Variants in ADCY10 observed in about 807,000 individuals in gnomAD.
The protein encoded by ADCY10 is adenylate cyclase 10.
In ADCY10, 156 loss-of-function variants were observed where a neutral mutation model predicts 183.3. That is an observed-to-expected ratio of 0.85 (90% confidence interval 0.75 to 0.97). The LOEUF (loss-of-function observed/expected upper bound fraction) is 0.97. Ranked by LOEUF, ADCY10 falls within the 50% of genes least tolerant of loss-of-function variation. ADCY10 has a pLI of 0.00. For missense variants in ADCY10, 1,745 were observed against 1,934.3 expected, an observed-to-expected ratio of 0.90 and a Z score of 1.84; for synonymous variants, 645 against 670.0, an observed-to-expected ratio of 0.96 and a Z score of 0.58.
chr1:167,908,461 A>G (rs1002915806), intron 1 of ADCY10, among the ~76,000 whole-genome samples: 1 of 152,170 alleles, frequency 6.6e-6, no homozygotes, highest in African/African-American at 2.4e-5. Flanking sequence ...AGACCCAATG[A>G]AAAAGTCCTG....
rs755426228 is a variant in ADCY10 at position 167,809,748 on chromosome 1, C to G, written c.4763G>C (p.Arg1588Thr). The G allele has an allele frequency of 4.3e-6, 7 of 1,614,026 alleles. No homozygotes were observed. The Admixed American group carries it at 1.2e-4, about 27-fold the overall frequency. The change falls in exon 33 of 33, where the codon AGG (arginine) becomes ACG (threonine). Residue 1588 changes from arginine to threonine, a missense_variant. Transcript: ENST00000367851. ...LPSWEKIVAG[R>T]VNIQDLQKNK... is the part of the protein sequence containing the mutation. ...TTTTTGAAGATCCTGAATGTTTACCCTGCCTGCTACAATTTTTTCCCATGA... is the reference window on the plus strand; with the variant it reads ...TTTTTGAAGATCCTGAATGTTTACCGTGCCTGCTACAATTTTTTCCCATGA...
rs1271219390 is a variant in ADCY10 at position 167,855,389 on chromosome 1, A to G, written c.2171+776T>C. 2.0e-5 allele frequency among the ~76,000 whole-genome samples: 3 copies of G among 152,204 alleles called. No individual in the cohort carries two copies. In the East Asian group the frequency reaches 5.8e-4, roughly 29 times the overall value. On this transcript the variant is annotated intron_variant, in intron 17 of 32. Transcript: ENST00000367851. Reference sequence around the variant, plus strand: ...GAAAACCCCAGGAGAGGAATCACTGAAAAGCTCAGAGAGCACTCACCAGTG... The same window carrying G: ...GAAAACCCCAGGAGAGGAATCACTGGAAAGCTCAGAGAGCACTCACCAGTG...
intron 16 of ADCY10, among the ~76,000 whole-genome samples, chr1:167,857,732 A>G (rs1358383521): frequency 2.0e-5 from 3 of 152,234 alleles, no homozygotes; most frequent in Non-Finnish European, 4.4e-5. Flanking sequence ...GGTACTATTG[A>G]ATCTATTTGC....
At chr1:167,895,839 G>A (rs1400452140) in intron 7 of ADCY10, among the ~76,000 whole-genome samples, 3 of 152,224 alleles carry the variant, frequency 2.0e-5, no homozygotes, top group African/African-American at 4.8e-5. Flanking sequence ...TAAGAAGTGA[G>A]TAGAGAAGAC....
chr1:167,832,090 T>C (rs1663777992), intron 25 of ADCY10, among the ~76,000 whole-genome samples: 1 of 152,140 alleles, frequency 6.6e-6, no homozygotes, highest in African/African-American at 2.4e-5. Flanking sequence ...TCTGATGGGG[T>C]TGCAAAAGAG....
chr1:167,813,441 T>G (rs1391665252), intron 31 of ADCY10, among the ~76,000 whole-genome samples: 1 of 151,830 alleles, frequency 6.6e-6, no homozygotes, highest in East Asian at 1.9e-4. Context: ...AATTAAGACA[T>G]TCCCAGACAA....
chr1:167,876,374 G>T (rs575793444), intron 12 of ADCY10, among the ~76,000 whole-genome samples: 7 of 152,224 alleles, frequency 4.6e-5, no homozygotes, highest in African/African-American at 1.7e-4. Flanking sequence ...GATACTGACA[G>T]TATCCAAACA....
intron 23 of ADCY10, chr1:167,834,542 G>A (rs1026325400): frequency 1.2e-5 from 3 of 249,196 alleles, no homozygotes; most frequent in African/African-American, 4.5e-5. Context: ...CATTTTGGGA[G>A]GTGGATGAGG....
At chr1:167,876,065 T>G (rs2102206988) in intron 12 of ADCY10, among the ~76,000 whole-genome samples, 1 of 152,252 alleles carries the variant, frequency 6.6e-6, no homozygotes, top group African/African-American at 2.4e-5. Flanking sequence ...GAGACCAGCC[T>G]GACCAACATG....
In ADCY10 at chr1:167,848,446, G is replaced by A. The variant is rs1374894762; in HGVS notation, c.2352C>T (p.Leu784=). ...KLTEKLNMVT[L]HSDKESEEVC... ...CTTCTTCACTTTCCTTATCACTATGGAGAGTAACCATGTTTAACTTCTCTG... is the reference window on the plus strand; with the variant it reads ...CTTCTTCACTTTCCTTATCACTATGAAGAGTAACCATGTTTAACTTCTCTG... Residue 784 remains leucine, a synonymous_variant, in exon 19 of 33, where the codon CTC becomes CTT. Transcript: ENST00000367851. 7.7e-5 allele frequency: 125 copies of A among 1,613,520 alleles called. No individual in the cohort carries two copies. The highest frequency in any genetic ancestry group is 1.0e-4 in the Non-Finnish European group (123 of 1,179,576).
chr1:167,861,574 GC>G (rs1229869143), intron 14 of ADCY10, among the ~76,000 whole-genome samples: 2 of 152,122 alleles, frequency 1.3e-5, no homozygotes, highest in Non-Finnish European at 2.9e-5. Flanking sequence ...GCTTCTCATT[GC>G]CCCTCATTTG....
intron 17 of ADCY10, among the ~76,000 whole-genome samples, chr1:167,854,760 G>A (rs989085848): frequency 6.6e-6 from 1 of 152,158 alleles, no homozygotes; most frequent in Non-Finnish European, 1.5e-5. Context: ...TAGGATAAGG[G>A]AGGGAAGCAA....
At chr1:167,822,912 C>T (rs1167587721) in intron 29 of ADCY10, 96 bp downstream of exon 29, 2 of 1,054,968 alleles carry the variant, frequency 1.9e-6, no homozygotes, top group African/African-American at 1.6e-5. Context: ...AGCCAGAAAC[C>T]TAGTGGTCCC....
At chr1:167,850,126 G>A (rs61806971) in intron 18 of ADCY10, among the ~76,000 whole-genome samples, 9,872 of 152,132 alleles carry the variant, frequency 0.065, 390 homozygotes, top group South Asian at 0.12. Flanking sequence ...TGGAAAAGGC[G>A]AGAGACTAGG....
Position 167,845,997 on chromosome 1 carries a change from T to C in ADCY10, c.2704A>G (p.Ser902Gly), listed in dbSNP as rs1558179076. The C allele has an allele frequency of 1.9e-6, 3 of 1,614,222 alleles. No homozygotes were observed. Among genetic ancestry groups the C allele is most frequent in the South Asian group, 2.2e-5 (2 of 91,082 alleles). Residue 902 changes from serine to glycine, a missense_variant, in exon 20 of 33, where the codon AGT (serine) becomes GGT (glycine). Coordinates refer to ENST00000367851, the MANE Select transcript of ADCY10 (RefSeq NM_018417.6). ...AGGTGCTACTCACCCATCCCTTCAC[T>C]GGGCTTCAGAGACAAGGAACGATAG... ...VHYRSLSLKP[S>G]EGMDHGEEEQ...
intron 1 of ADCY10, among the ~76,000 whole-genome samples, chr1:167,905,906 ATGT>A (rs1338056404): frequency 6.6e-6 from 1 of 152,238 alleles, no homozygotes; most frequent in Non-Finnish European, 1.5e-5. Context: ...TCATGCCTAA[ATGT>A]TGTAAAAATC....
At chr1:167,826,440 C>T (rs78699136) in intron 26 of ADCY10, among the ~76,000 whole-genome samples, 4,917 of 152,312 alleles carry the variant, frequency 0.032, 154 homozygotes, top group East Asian at 0.15. Context: ...TTCCATTCTC[C>T]CATGCTGAGT....
At chr1:167,818,759 G>A (rs1474651710) in intron 30 of ADCY10, among the ~76,000 whole-genome samples, 2 of 152,088 alleles carry the variant, frequency 1.3e-5, no homozygotes, top group Non-Finnish European at 1.5e-5. Context: ...GGCTGGTCTC[G>A]AACTCCTGAC....
chr1:167,878,507 C>T lies in ADCY10; in HGVS notation c.1345G>A (p.Val449Ile), dbSNP rs1458631130. 6.2e-7 allele frequency: 1 copy of T among 1,614,198 alleles called. No individual in the cohort carries two copies. The change falls in exon 12 of 33, where the codon GTT (valine) becomes ATT (isoleucine). Residue 449 changes from valine to isoleucine, a missense_variant. Transcript: ENST00000367851. ...CCAGAATCTGCAACACCTTTCATAA[C>T]TTTCTTTGGAAGCTCTTTAAAAAAG... Reference protein sequence around the residue: ...AYFFKELPKKVMKGVADSGPL... With the variant: ...AYFFKELPKKIMKGVADSGPL...
Sources: allele counts gnomAD v4.1 joint callset (sites outside exome capture counted in the v4.1 genomes callset), GRCh38; gene constraint gnomAD v4.1.1; transcripts MANE v1.5; gene names NCBI Gene and HGNC (gene_info 2026-07-23, HGNC 2026-07-21).